COL4A2: variants seen among roughly 807,000 people sequenced by gnomAD.
The protein encoded by COL4A2 is collagen type IV alpha 2 chain.
In COL4A2, 99 loss-of-function variants were observed where a neutral mutation model predicts 200.2. That is an observed-to-expected ratio of 0.49 (90% CI 0.42 to 0.58). The LOEUF (loss-of-function observed/expected upper bound fraction) is 0.58, where lower values mean the gene tolerates loss of function less well. COL4A2 is among the 20% of genes least tolerant of loss of function. The probability of loss-of-function intolerance (pLI) is 0.00; values close to 1 mark genes in which losing one functional copy is unlikely to be tolerated. For synonymous variants in COL4A2, 897 were observed against 900.6 expected, an observed-to-expected ratio of 1.00 and a Z score of 0.07; for missense variants, 1,950 against 2,314.1, an observed-to-expected ratio of 0.84 and a Z score of 3.23.
chr13:110,451,943 GTC>G (rs1246166223), intron 20 of COL4A2, among the ~76,000 whole-genome samples: 3 of 152,230 alleles, frequency 2.0e-5, no homozygotes, highest in Non-Finnish European at 4.4e-5. Context: ...AGAGGTCATA[GTC>G]TCTTTCTGTG....
chr13:110,506,231 C>T (rs548405308), intron 45 of COL4A2, among the ~76,000 whole-genome samples, 184 bp from the exon 46 acceptor site: 4 of 149,882 alleles, frequency 2.7e-5, no homozygotes, highest in African/African-American at 7.4e-5. Flanking sequence ...CTCTCTCTCT[C>T]GGGCTGCAGG....
intron 4 of COL4A2, among the ~76,000 whole-genome samples, chr13:110,362,869 A>G (rs567583096): frequency 1.4e-4 from 22 of 152,322 alleles, no homozygotes; most frequent in African/African-American, 5.3e-4. Flanking sequence ...GGATTTTTCC[A>G]AGTAAGGTCA....
chr13:110,348,823 CT>C (rs1876826962), intron 3 of COL4A2, among the ~76,000 whole-genome samples: 1 of 152,190 alleles, frequency 6.6e-6, no homozygotes, highest in African/African-American at 2.4e-5. Flanking sequence ...CGTCAGCTAT[CT>C]GTAAATTCCC....
chr13:110,510,588 T>A (rs1884050345), intron 47 of COL4A2, among the ~76,000 whole-genome samples: 1 of 151,806 alleles, frequency 6.6e-6, no homozygotes, highest in Middle Eastern at 3.2e-3. Flanking sequence ...TGCACGTGTG[T>A]GCATAGGGGT....
chr13:110,462,408 G>A (rs1326949342), intron 24 of COL4A2, 24 bp downstream of exon 24: 2 of 1,608,410 alleles, frequency 1.2e-6, no homozygotes, highest in Non-Finnish European at 1.7e-6. Context: ...AACTGCGGCA[G>A]CTCCGTCCTC....
chr13:110,441,561 C>T lies in COL4A2; in HGVS notation c.957+1728C>T, dbSNP rs187953155. ...CTGATCGGAGTACTCCCAAAGGCGG[C>T]ACACCTAGAACAAGAGCTATCCAAA... On this transcript the variant is annotated intron_variant, in intron 16 of 47. Coordinates refer to ENST00000360467, the MANE Select transcript of COL4A2 (RefSeq NM_001846.4). Among the ~76,000 whole-genome samples, 7 of 152,290 alleles carry T rather than the reference C, an allele frequency of 4.6e-5. No individual in the cohort carries two copies. The East Asian group carries it at 1.4e-3, about 29-fold the overall frequency.
At chr13:110,315,522 A>G (rs1393955247) in intron 3 of COL4A2, among the ~76,000 whole-genome samples, 1 of 152,092 alleles carries the variant, frequency 6.6e-6, no homozygotes, top group Non-Finnish European at 1.5e-5. Context: ...CAGCCTCCCA[A>G]GTAGCTGGGA....
chr13:110,498,893 A>G (rs766238317), intron 40 of COL4A2, among the ~76,000 whole-genome samples: 1 of 152,164 alleles, frequency 6.6e-6, no homozygotes, highest in Non-Finnish European at 1.5e-5. Context: ...CTTCCAAGCC[A>G]CCGTGCGGCA....
intron 4 of COL4A2, among the ~76,000 whole-genome samples, chr13:110,379,383 A>G (rs1189953887): frequency 6.6e-6 from 1 of 152,210 alleles, no homozygotes; most frequent in Non-Finnish European, 1.5e-5. Flanking sequence ...TGCCCTCAGA[A>G]AGCCCCTGCA....
At chr13:110,394,577 A>G (rs1214193736) in intron 4 of COL4A2, among the ~76,000 whole-genome samples, 1 of 152,170 alleles carries the variant, frequency 6.6e-6, no homozygotes, top group Non-Finnish European at 1.5e-5. Flanking sequence ...AACTCGTGCA[A>G]TTACACAAGG....
intron 40 of COL4A2, 124 bp from the exon 41 acceptor site, chr13:110,501,544 C>T (rs929575803): frequency 3.4e-6 from 3 of 891,104 alleles, no homozygotes; most frequent in Non-Finnish European, 5.4e-6. Flanking sequence ...CCTGAGGGCA[C>T]CTCCCATCAC....
At chr13:110,481,673 T>G (rs1238736605) in intron 31 of COL4A2, among the ~76,000 whole-genome samples, 2 of 66,776 alleles carry the variant, frequency 3.0e-5, no homozygotes, top group South Asian at 1.7e-3. Context: ...CACACAGTTC[T>G]GTCCTTCCAT....
At position 110,333,477 on chromosome 13, in the gene COL4A2, G is replaced by A. The variant is rs112017729; in HGVS notation, c.100-23995G>A. The stretch of plus-strand genomic sequence containing the variant: ...GTGTGTTCTGGTACCTACAGGCTCC[G>A]TGAGCACTGTCTTTCCTCACTGATC... On this transcript the variant is annotated intron_variant, in intron 3 of 47. Transcript: ENST00000360467. Among the ~76,000 whole-genome samples, 632 of 152,340 alleles carry A rather than the reference G, an allele frequency of 4.1e-3. 6 individuals carry two copies. The highest frequency in any genetic ancestry group is 0.014 in the African/African-American group (599 of 41,560).
chr13:110,503,364 C>G lies in COL4A2; in HGVS notation c.4040-19C>G, dbSNP rs4773198. 6.3e-7 allele frequency: 1 copy of G among 1,592,330 alleles called. No individual in the cohort carries two copies. Among genetic ancestry groups the G allele is most frequent in the Non-Finnish European group, 8.5e-7 (1 of 1,169,652 alleles). On this transcript the variant is annotated intron_variant, in intron 42 of 47. Coordinates refer to ENST00000360467, the MANE Select transcript of COL4A2 (RefSeq NM_001846.4). ...TCCCCACAGACTTTCGTGTCCCTAA[C>G]GTCTTGTTTGTGTTGCAGGGCCCAG...
intron 7 of COL4A2, chr13:110,429,079 T>C (rs927421137): frequency 6.6e-6 from 1 of 152,608 alleles, no homozygotes; most frequent in East Asian, 1.9e-4. Context: ...GTGTCTTCAG[T>C]AGTACGTTGC....
chr13:110,470,491 G>A (rs1162754739), intron 28 of COL4A2, among the ~76,000 whole-genome samples: 1 of 152,064 alleles, frequency 6.6e-6, no homozygotes, highest in Non-Finnish European at 1.5e-5. Context: ...TGAGAGAGGC[G>A]GCCACATCTC....
intron 32 of COL4A2, among the ~76,000 whole-genome samples, chr13:110,484,221 G>A (rs1252020400): frequency 6.6e-6 from 1 of 152,122 alleles, no homozygotes; most frequent in Non-Finnish European, 1.5e-5. Context: ...CACGCTCTGT[G>A]GGGTCAGGAC....
At chr13:110,423,948 A>G (rs1259855885) in intron 4 of COL4A2, among the ~76,000 whole-genome samples, 2 of 152,172 alleles carry the variant, frequency 1.3e-5, no homozygotes, top group African/African-American at 4.8e-5. Context: ...GTGTCTACCC[A>G]TTGTTGGACA....
intron 40 of COL4A2, among the ~76,000 whole-genome samples, chr13:110,499,790 A>G (rs1435484826): frequency 6.6e-6 from 1 of 152,260 alleles, no homozygotes; most frequent in Admixed American, 6.5e-5. Flanking sequence ...TCTCATTAAC[A>G]GTCCTCATCA....
Sources: allele counts gnomAD v4.1 joint callset (sites outside exome capture counted in the v4.1 genomes callset), GRCh38; gene constraint gnomAD v4.1.1; transcripts MANE v1.5; gene names NCBI Gene and HGNC (gene_info 2026-07-23, HGNC 2026-07-21).